The following GDA variants were observed in gnomAD, a reference collection of about 807,000 sequenced individuals.
GDA encodes the protein cytoplasmic PSD-95 interactor.
In GDA, 18 loss-of-function variants were observed where a neutral mutation model predicts 59.6. That is an observed-to-expected ratio of 0.30 (90% confidence interval 0.21 to 0.45). The LOEUF is 0.45. GDA is among the 20% of genes least tolerant of loss of function. GDA has a pLI of 1.00. For missense variants in GDA, 427 were observed against 552.3 expected, an observed-to-expected ratio of 0.77 and a Z score of 2.27; for synonymous variants, 201 against 201.1, an observed-to-expected ratio of 1.00 and a Z score of 0.00.
chr9:72,247,635 G>A (rs1165445991), intron 13 of GDA, among the ~76,000 whole-genome samples: 1 of 152,158 alleles, frequency 6.6e-6, no homozygotes, highest in Non-Finnish European at 1.5e-5. Context: ...AAATGCACAT[G>A]ACTCCCTCTA....
rs767354695 is a variant in GDA at position 72,241,118 on chromosome 9, G to A, written c.989-34G>A. On this transcript the variant is annotated intron_variant, in intron 10 of 13. Coordinates refer to ENST00000358399, the MANE Select transcript of GDA (RefSeq NM_004293.5). ...TGTATTATTCCATTTATCCTCACAAGGTTACTGTTTTGGTTTTATTTTACC... is the reference window on the plus strand; with the variant it reads ...TGTATTATTCCATTTATCCTCACAAAGTTACTGTTTTGGTTTTATTTTACC... The A allele has an allele frequency of 2.6e-6, 4 of 1,521,146 alleles. No individual in the cohort carries two copies. In the South Asian group the frequency reaches 4.7e-5, roughly 18 times the overall value. The allele number at this position is 1,521,146 out of a possible 1,614,324, so 94.2% of individuals were successfully genotyped here.
intron 1 of GDA, among the ~76,000 whole-genome samples, chr9:72,127,637 A>G (rs1207456280): frequency 7.2e-5 from 2 of 27,742 alleles, no homozygotes; most frequent in African/African-American, 2.1e-4. Flanking sequence ...ACTCTGTCTC[A>G]AAAAAAAAAA....
At chr9:72,121,740 C>T (rs562579423) in intron 1 of GDA, among the ~76,000 whole-genome samples, 135 of 152,336 alleles carry the variant, frequency 8.9e-4, no homozygotes, top group Non-Finnish European at 1.6e-3. Flanking sequence ...CACTTGCTAT[C>T]TCCACTGTAC....
chr9:72,201,734 T>C lies in GDA; in HGVS notation c.213-837T>C, dbSNP rs182634212. ...ATACTTAATAGTGACTGTGGTGAAC[T>C]GCATTAGCTCTTTAGAAAAGCATGA... is the stretch of plus-strand genomic sequence containing the variant. On this transcript the variant is annotated intron_variant, in intron 2 of 13. Transcript: ENST00000358399. 1.0e-3 allele frequency among the ~76,000 whole-genome samples: 154 copies of C among 152,348 alleles called. 1 individual carries two copies. Among genetic ancestry groups the C allele is most frequent in the African/African-American group, 3.5e-3 (146 of 41,586 alleles).
intron 1 of GDA, among the ~76,000 whole-genome samples, chr9:72,160,329 A>T (rs1828453953): frequency 6.6e-6 from 1 of 151,192 alleles, no homozygotes; most frequent in Admixed American, 6.6e-5. Flanking sequence ...AAACAAAACA[A>T]ATATATATAT....
intron 1 of GDA, among the ~76,000 whole-genome samples, chr9:72,133,155 T>C (rs1056479540): frequency 7.3e-5 from 11 of 151,522 alleles, no homozygotes; most frequent in African/African-American, 2.2e-4. Flanking sequence ...CCAGCCATGG[T>C]AGTGCATGCC....
chr9:72,177,970 C>T (rs545965736), intron 1 of GDA, among the ~76,000 whole-genome samples: 93 of 152,308 alleles, frequency 6.1e-4, no homozygotes, highest in African/African-American at 2.2e-3. Context: ...TCTGTTGTCA[C>T]TTTTCACTTC....
intron 1 of GDA, among the ~76,000 whole-genome samples, chr9:72,160,998 C>T (rs1828553710): frequency 6.6e-6 from 1 of 152,136 alleles, no homozygotes; most frequent in Non-Finnish European, 1.5e-5. Flanking sequence ...TCTCCGCTTC[C>T]CAAGTTCAAG....
At chr9:72,230,070 T>A (rs1041679333) in intron 9 of GDA, among the ~76,000 whole-genome samples, 1 of 152,238 alleles carries the variant, frequency 6.6e-6, no homozygotes, top group African/African-American at 2.4e-5. Flanking sequence ...CTCCAGCAAC[T>A]GAGAGATTTA....
downstream of GDA, among the ~76,000 whole-genome samples, chr9:72,258,046 C>T (rs1009563692): frequency 6.6e-6 from 1 of 151,738 alleles, no homozygotes; most frequent in African/African-American, 2.4e-5. Context: ...TACGGTGACT[C>T]ATGCCTATAA....
At chr9:72,254,389 T>C (rs559267394), downstream of GDA, among the ~76,000 whole-genome samples, 1 of 152,282 alleles carries the variant, frequency 6.6e-6, no homozygotes, top group Middle Eastern at 3.4e-3. Flanking sequence ...TGGGAAATTC[T>C]TCAATGGTAA....
rs1216621442 is a variant in GDA, at chr9:72,156,525, A to T, written c.123+6843A>T. On this transcript the variant is annotated intron_variant, in intron 1 of 13. Transcript: ENST00000358399. ...TAGGAGCTTGGCTTTCATCAGAAAG[A>T]TGCTTTCACTCCCAATTATTACAAG... Among the ~76,000 whole-genome samples, 6 of 152,208 alleles carry T rather than the reference A, an allele frequency of 3.9e-5. No individual in the cohort carries two copies. In the East Asian group the frequency reaches 9.6e-4, roughly 24 times the overall value.
Position 72,162,899 on chromosome 9 carries a change from C to T in GDA, c.123+13217C>T, listed in dbSNP as rs185918205. 8.7e-3 allele frequency among the ~76,000 whole-genome samples: 1,318 copies of T among 152,216 alleles called. 22 individuals carry two copies. The highest frequency in any genetic ancestry group is 0.03 in the African/African-American group (1,247 of 41,540). ...GTCTCGATCTCCTGACCTCGTGATC[C>T]GCCCGCCTCGGCCTCCCAAAGTGCT... On this transcript the variant is annotated intron_variant, in intron 1 of 13. Coordinates refer to ENST00000358399, the MANE Select transcript of GDA (RefSeq NM_004293.5).
At chr9:72,220,579 G>T (rs1460378546) in intron 6 of GDA, among the ~76,000 whole-genome samples, 1 of 152,094 alleles carries the variant, frequency 6.6e-6, no homozygotes. Flanking sequence ...TCTCAGGGTA[G>T]GTTTTTCTTC....
downstream of GDA, among the ~76,000 whole-genome samples, chr9:72,259,829 A>G (rs1022884524): frequency 6.6e-6 from 1 of 152,246 alleles, no homozygotes; most frequent in African/African-American, 2.4e-5. Flanking sequence ...CTCTGAAGTT[A>G]CAAAGAGAAT....
intron 3 of GDA, among the ~76,000 whole-genome samples, chr9:72,206,283 G>A (rs758181088): frequency 2.0e-5 from 3 of 152,014 alleles, no homozygotes; most frequent in Non-Finnish European, 4.4e-5. Context: ...CATATGGTAA[G>A]ACAAGAACAT....
At chr9:72,183,786 T>G (rs998488785) in intron 1 of GDA, among the ~76,000 whole-genome samples, 3 of 152,192 alleles carry the variant, frequency 2.0e-5, no homozygotes, top group Non-Finnish European at 4.4e-5. Flanking sequence ...GAAATATATT[T>G]TAATCTCTTT....
rs773485893 is a variant in GDA at position 72,228,016 on chromosome 9, C to T, written c.896C>T (p.Ala299Val). Residue 299 changes from alanine (A) to valine (V), a missense_variant, in exon 9 of 14, where the codon GCA (alanine) becomes GTA (valine). Physicochemically the swap from Ala to Val is moderately conservative, Grantham distance 64. Transcript: ENST00000358399. ...NVFHERGASIAHCPNSNLSLS... is the reference protein window; with the variant it reads ...NVFHERGASIVHCPNSNLSLS... ...TTCCATGAACGAGGAGCATCCATCG[C>T]ACACTGTCCCAATTCTAATTTATCG... 1 of 1,581,960 alleles carries T rather than the reference C, an allele frequency of 6.3e-7. No homozygotes were observed. Among genetic ancestry groups the T allele is most frequent in the South Asian group, 1.1e-5 (1 of 89,922 alleles).
chr9:72,201,488 C>G (rs1681735685), intron 2 of GDA, among the ~76,000 whole-genome samples: 1 of 152,062 alleles, frequency 6.6e-6, no homozygotes, highest in East Asian at 1.9e-4. Flanking sequence ...CTGAGTCTGC[C>G]ATTCCTTGCT....
Sources: gnomAD v4.1 joint callset for allele counts (sites outside exome capture counted in the v4.1 genomes callset) on GRCh38, gnomAD v4.1.1 for gene constraint, MANE v1.5 for transcripts, NCBI Gene and HGNC (gene_info 2026-07-23, HGNC 2026-07-21) for gene names.